FOXP2: variants seen among roughly 807,000 people sequenced by gnomAD.
FOXP2 encodes forkhead box protein P2.
Under a neutral mutation model 115.8 loss-of-function variants are expected in FOXP2, and 12 were observed. The ratio of observed to expected loss-of-function variants is 0.10; its 90% CI spans 0.07 to 0.17. The LOEUF (loss-of-function observed/expected upper bound fraction) is 0.17, where lower values mean the gene tolerates loss of function less well. Among genes scored for constraint, FOXP2 ranks in the 10% least tolerant of loss-of-function variants. FOXP2 has a pLI of 1.00. For synonymous variants in FOXP2, 328 were observed against 297.7 expected (o/e 1.10, Z -1.05); for missense variants, 629 against 843.5 (o/e 0.75, Z 3.15).
chr7:114,550,140 T>C (rs1437403886), intron 3 of FOXP2, among the ~76,000 whole-genome samples: 1 of 138,162 alleles, frequency 7.2e-6, no homozygotes, highest in African/African-American at 2.9e-5. Flanking sequence ...TTTTTTGAGA[T>C]GGAGTCTCGC....
chr7:114,286,681 A>G (rs935833442), intron 1 of FOXP2, among the ~76,000 whole-genome samples: 5 of 152,042 alleles, frequency 3.3e-5, no homozygotes, highest in African/African-American at 7.2e-5. Flanking sequence ...AGGAATATGA[A>G]GAACAGGAAT....
At chr7:114,639,677 C>T (rs539601274) in intron 6 of FOXP2, among the ~76,000 whole-genome samples, 2 of 152,112 alleles carry the variant, frequency 1.3e-5, no homozygotes, top group East Asian at 3.9e-4. Context: ...GTTGTGGGAA[C>T]AACCAGAGCA....
chr7:114,568,755 G>A (rs1584905620), intron 3 of FOXP2, among the ~76,000 whole-genome samples: 2 of 151,802 alleles, frequency 1.3e-5, no homozygotes, highest in Admixed American at 1.3e-4. Flanking sequence ...TAAGGGATCA[G>A]TAGCATTAAC....
intron 8 of FOXP2, chr7:114,645,862 C>G (rs1261175089): frequency 6.6e-6 from 1 of 151,800 alleles, no homozygotes; most frequent in Admixed American, 6.6e-5. Flanking sequence ...ATTTTTTTAA[C>G]CTTTTATCAT....
chr7:114,101,074 T>G (rs1292982631), intron 1 of FOXP2, among the ~76,000 whole-genome samples: 1 of 152,150 alleles, frequency 6.6e-6, no homozygotes, highest in Non-Finnish European at 1.5e-5. Flanking sequence ...ATGAGTTTCA[T>G]GTTTGTTTTT....
intron 2 of FOXP2, among the ~76,000 whole-genome samples, chr7:114,354,436 G>T (rs187445848): frequency 2.0e-5 from 3 of 152,048 alleles, no homozygotes; most frequent in African/African-American, 7.2e-5. Context: ...TATTGGTTTG[G>T]TTTCTCTGGA....
At chr7:114,260,639 G>GA (rs548492465) in intron 1 of FOXP2, among the ~76,000 whole-genome samples, 16 of 151,872 alleles carry the variant, frequency 1.1e-4, no homozygotes, top group Non-Finnish European at 1.9e-4. Context: ...AATAATTTAA[G>GA]AAAAAAACGC....
At chr7:114,150,405 T>A (rs1257145297) in intron 1 of FOXP2, among the ~76,000 whole-genome samples, 1 of 152,050 alleles carries the variant, frequency 6.6e-6, no homozygotes, top group Non-Finnish European at 1.5e-5. Context: ...TCTTGGTATG[T>A]TTCTAGAAAT....
intron 1 of FOXP2, among the ~76,000 whole-genome samples, chr7:114,240,706 A>T (rs1584569812): frequency 6.6e-6 from 1 of 152,002 alleles, no homozygotes; most frequent in South Asian, 2.1e-4. Flanking sequence ...TTCAAAAAAA[A>T]ACCCTATTTC....
At chr7:114,650,114 C>G (rs1261748371) in intron 8 of FOXP2, among the ~76,000 whole-genome samples, 1 of 152,060 alleles carries the variant, frequency 6.6e-6, no homozygotes, top group Non-Finnish European at 1.5e-5. Flanking sequence ...CTAATAAAAG[C>G]TGCATAGATA....
intron 6 of FOXP2, among the ~76,000 whole-genome samples, chr7:114,637,142 T>C (rs576168156): frequency 2.1e-4 from 32 of 152,190 alleles, no homozygotes; most frequent in Non-Finnish European, 3.7e-4. Context: ...ATCATGCCAT[T>C]GCACTCCAGC....
At chr7:114,113,055 G>C (rs576683995) in intron 1 of FOXP2, among the ~76,000 whole-genome samples, 1 of 152,170 alleles carries the variant, frequency 6.6e-6, no homozygotes, top group African/African-American at 2.4e-5. Context: ...GATGGTGGAA[G>C]AATTACAAAG....
At chr7:114,160,586 C>T (rs1792801288), upstream of FOXP2, among the ~76,000 whole-genome samples, 1 of 152,006 alleles carries the variant, frequency 6.6e-6, no homozygotes, top group Non-Finnish European at 1.5e-5. Flanking sequence ...TTAATGACTA[C>T]CAGCATACTT....
Position 114,692,089 on chromosome 7 carries a change from A to G in FOXP2, c.*2163A>G. 2.2e-6 allele frequency: 1 copy of G among 454,008 alleles called. No individual in the cohort carries two copies. The highest frequency in any genetic ancestry group is 4.4e-6 in the Non-Finnish European group (1 of 226,708). The allele number at this position is 454,008 out of a possible 1,614,324, so 28.1% of individuals were successfully genotyped here. A position where few individuals can be genotyped will look rare whatever the true frequency, so the allele number is the denominator to read the frequency against. On this transcript the variant is annotated 3_prime_UTR_variant, in exon 17 of 17. Coordinates refer to ENST00000350908, the MANE Select transcript of FOXP2 (RefSeq NM_014491.4). ...TTTACAATATGGTATTAAAAGAAAG[A>G]TGGGTATGGTGAAAGATGGTTTTCA... is the stretch of plus-strand genomic sequence containing the variant.
chr7:114,329,664 ATTTATTTATTTATTTAT>A (rs1176222965), intron 2 of FOXP2, among the ~76,000 whole-genome samples: 32 of 39,726 alleles, frequency 8.1e-4, no homozygotes, highest in Admixed American at 1.4e-3. Context: ...TTATTTATTT[ATTTATTTATTTATTTAT>A]TTATTTATTT....
chr7:114,286,812 G>A (rs954258847), intron 1 of FOXP2, among the ~76,000 whole-genome samples: 2 of 152,054 alleles, frequency 1.3e-5, no homozygotes, highest in Non-Finnish European at 2.9e-5. Flanking sequence ...AGTACCCAAG[G>A]AAAGGAGTAA....
intron 2 of FOXP2, among the ~76,000 whole-genome samples, chr7:114,299,492 T>A (rs1290140965): frequency 6.6e-6 from 1 of 151,690 alleles, no homozygotes; most frequent in Non-Finnish European, 1.5e-5. Context: ...CTTATTTATA[T>A]TTTTTTATTA....
At chr7:114,190,726 C>G (rs1052777672) in intron 1 of FOXP2, among the ~76,000 whole-genome samples, 7 of 151,926 alleles carry the variant, frequency 4.6e-5, no homozygotes, top group African/African-American at 1.4e-4. Flanking sequence ...TTCCTCTCTT[C>G]TTTTACCACT....
At chr7:114,586,614 A>T (rs1453996463) in intron 3 of FOXP2, among the ~76,000 whole-genome samples, 1 of 152,076 alleles carries the variant, frequency 6.6e-6, no homozygotes, top group Non-Finnish European at 1.5e-5. Context: ...AAATTAAAAA[A>T]TTTATTTTTA....
Sources: allele counts gnomAD v4.1 joint callset (sites outside exome capture counted in the v4.1 genomes callset), GRCh38; gene constraint gnomAD v4.1.1; transcripts MANE v1.5; gene names NCBI Gene and HGNC (gene_info 2026-07-23, HGNC 2026-07-21).